The following CTNNA2 variants were observed in gnomAD, a reference collection of about 807,000 sequenced individuals.
The protein encoded by CTNNA2 is catenin alpha 2, also known as catenin alpha-2.
Under a neutral mutation model 101.0 loss-of-function variants are expected in CTNNA2, and 42 were observed. The observed-to-expected ratio is 0.42, with a 90% CI of 0.32 to 0.54. CTNNA2 has a LOEUF of 0.54. Among genes scored for constraint, CTNNA2 ranks in the 20% least tolerant of loss-of-function variants. The pLI, the probability that CTNNA2 is intolerant of heterozygous loss-of-function variation, is 0.14. For synonymous variants in CTNNA2, 450 were observed against 456.4 expected (o/e 0.99, Z 0.18); for missense variants, 871 against 1,223.1 (o/e 0.71, Z 4.29).
intron 7 of CTNNA2, among the ~76,000 whole-genome samples, chr2:79,934,136 T>C (rs1687630973): frequency 6.6e-6 from 1 of 152,230 alleles, no homozygotes; most frequent in African/African-American, 2.4e-5. Flanking sequence ...TATGCCTATA[T>C]GGTCTGAAAA....
intron 7 of CTNNA2, among the ~76,000 whole-genome samples, chr2:80,002,124 A>T: frequency 6.6e-6 from 1 of 152,176 alleles, no homozygotes; most frequent in East Asian, 1.9e-4. Context: ...TTGTGATGTT[A>T]TTCTTTAAGA....
At chr2:80,296,979 G>A (rs959663198) in intron 7 of CTNNA2, among the ~76,000 whole-genome samples, 3 of 152,174 alleles carry the variant, frequency 2.0e-5, no homozygotes, top group Middle Eastern at 6.3e-3. Context: ...ATAACATATG[G>A]ATGTCTCTAC....
At chr2:80,544,614 A>G (rs1025740929) in intron 9 of CTNNA2, among the ~76,000 whole-genome samples, 13 of 152,068 alleles carry the variant, frequency 8.5e-5, no homozygotes, top group South Asian at 2.1e-4. Flanking sequence ...ACTCAACTCT[A>G]CAGGGTCAGA....
At chr2:80,310,393 G>T (rs1677453597) in intron 7 of CTNNA2, among the ~76,000 whole-genome samples, 1 of 152,108 alleles carries the variant, frequency 6.6e-6, no homozygotes, top group Admixed American at 6.5e-5. Flanking sequence ...TCTTTCAGCT[G>T]GTTTATTCCC....
At chr2:79,817,251 A>G (rs1172059727) in intron 3 of CTNNA2, among the ~76,000 whole-genome samples, 1 of 148,760 alleles carries the variant, frequency 6.7e-6, no homozygotes, top group Non-Finnish European at 1.5e-5. Flanking sequence ...CACTTCATGC[A>G]TTAAATGAAC....
intron 4 of CTNNA2, among the ~76,000 whole-genome samples, chr2:79,403,691 A>G (rs1349110648): frequency 1.3e-5 from 2 of 152,020 alleles, no homozygotes; most frequent in African/African-American, 4.8e-5. Context: ...CTTAGTAGGA[A>G]TCAGAGAGAA....
rs958977906 is a variant in CTNNA2, at chr2:80,428,205, T to TA, written c.1290+8605dup. ...TGGAGCCGAGAATGAGAGGAAAAAT[T>TA]ACAGAGATTAAATTGAGAGCTGGGT... On this transcript the variant is annotated intron_variant, in intron 9 of 18. Transcript: ENST00000402739. Among the ~76,000 whole-genome samples, 5 of 152,144 alleles carry TA rather than the reference T, an allele frequency of 3.3e-5. 1 individual carries two copies. The highest frequency in any genetic ancestry group is 1.2e-4 in the African/African-American group (5 of 41,432).
intron 11 of CTNNA2, among the ~76,000 whole-genome samples, chr2:80,546,727 CGT>C (rs1692105730): frequency 6.6e-6 from 1 of 152,170 alleles, no homozygotes; most frequent in Admixed American, 6.5e-5. Flanking sequence ...TAACAGGACT[CGT>C]GGAGTCCATT....
chr2:79,607,286 G>A (rs1364566173), intron 1 of CTNNA2, among the ~76,000 whole-genome samples: 2 of 152,098 alleles, frequency 1.3e-5, no homozygotes, highest in African/African-American at 4.8e-5. Flanking sequence ...GAACTGCAAG[G>A]AGAAACAGAA....
rs574639152 is a variant in CTNNA2 at position 79,992,032 on chromosome 2, C to T, written c.1056+82235C>T. Among the ~76,000 whole-genome samples the T allele has an allele frequency of 1.7e-4, 26 of 152,146 alleles. No homozygotes were observed. The South Asian group carries it at 4.4e-3, about 26-fold the overall frequency. ...AAAAATCCAATCTTGGTATCAGTGACGGATATTGATATACTTTGTCAAACA... is the reference window on the plus strand; with the variant it reads ...AAAAATCCAATCTTGGTATCAGTGATGGATATTGATATACTTTGTCAAACA... On this transcript the variant is annotated intron_variant, in intron 7 of 18. Coordinates refer to ENST00000402739, the MANE Select transcript of CTNNA2 (RefSeq NM_001282597.3).
chr2:80,393,172 A>G (rs780399155), intron 7 of CTNNA2, 39 bp from the exon 8 acceptor site: 1 of 1,483,334 alleles, frequency 6.7e-7, no homozygotes. Flanking sequence ...TCTAACATTG[A>G]ATATGCTAAA....
intron 2 of CTNNA2, among the ~76,000 whole-genome samples, chr2:79,677,877 A>T (rs1683292854): frequency 6.6e-6 from 1 of 152,264 alleles, no homozygotes. Context: ...CTGTGTGGAC[A>T]TGTGTAACAT....
chr2:80,098,026 C>T (rs1216523181), intron 7 of CTNNA2, among the ~76,000 whole-genome samples: 1 of 152,216 alleles, frequency 6.6e-6, no homozygotes, highest in Non-Finnish European at 1.5e-5. Flanking sequence ...AGTCTCCATC[C>T]AGCTTTGTTC....
At chr2:80,225,721 T>C (rs1470744831) in intron 7 of CTNNA2, among the ~76,000 whole-genome samples, 16 of 152,196 alleles carry the variant, frequency 1.1e-4, no homozygotes, top group Non-Finnish European at 2.4e-4. Context: ...TTTTTTTTCC[T>C]GAGGAATTAG....
intron 7 of CTNNA2, among the ~76,000 whole-genome samples, chr2:79,980,756 G>C (rs1364220814): frequency 1.3e-5 from 2 of 152,026 alleles, no homozygotes; most frequent in Non-Finnish European, 2.9e-5. Flanking sequence ...GCTTGTTTTA[G>C]AAAAATAAGC....
Position 80,515,151 on chromosome 2 carries a change from C to CT in CTNNA2, c.1291-29817dup, listed in dbSNP as rs751309907. Among the ~76,000 whole-genome samples the CT allele has an allele frequency of 1.8e-3, 258 of 143,748 alleles. 5 individuals are homozygous for CT. The South Asian group carries it at 0.027, about 15-fold the overall frequency. The allele number at this position is 143,748 out of a possible 152,430, so 94.3% of individuals were successfully genotyped here. ...AACAATTTCTAGGTGAATTGCCCAT[C>CT]TTTTTTTTTTTTTTCCCCCTTGGAA... is the stretch of plus-strand genomic sequence containing the variant. On this transcript the variant is annotated intron_variant, in intron 9 of 18. Transcript: ENST00000402739.
rs140033970 is a variant in CTNNA2 at position 80,178,464 on chromosome 2, C to A, written c.1057-214747C>A. 7.0e-3 allele frequency among the ~76,000 whole-genome samples: 1,071 copies of A among 152,280 alleles called. 13 individuals carry two copies. Among genetic ancestry groups the A allele is most frequent in the African/African-American group, 0.024 (997 of 41,540 alleles). On this transcript the variant is annotated intron_variant, in intron 7 of 18. Coordinates refer to ENST00000402739, the MANE Select transcript of CTNNA2 (RefSeq NM_001282597.3). ...TGTTCCAAAATCCTAGAGGCCTCTG[C>A]TGTGATTCACCTATGGGGGCCTGCC...
intron 7 of CTNNA2, among the ~76,000 whole-genome samples, chr2:80,202,718 T>C (rs1221075405): frequency 6.6e-6 from 1 of 151,294 alleles, no homozygotes; most frequent in African/African-American, 2.4e-5. Context: ...AGAACTTTGT[T>C]TCCAAGAGAT....
At chr2:79,655,610 C>G (rs767185892) in intron 2 of CTNNA2, among the ~76,000 whole-genome samples, 3 of 152,112 alleles carry the variant, frequency 2.0e-5, no homozygotes, top group Non-Finnish European at 4.4e-5. Flanking sequence ...AAGAAGATCA[C>G]TTGAAGTCAG....
Sources: allele counts gnomAD v4.1 joint callset (sites outside exome capture counted in the v4.1 genomes callset), GRCh38; gene constraint gnomAD v4.1.1; transcripts MANE v1.5; gene names NCBI Gene and HGNC (gene_info 2026-07-23, HGNC 2026-07-21).